CDK5RAP2: variants seen among roughly 807,000 people sequenced by gnomAD.
CDK5RAP2 encodes the protein CDK5 regulatory subunit associated protein 2.
A neutral mutation model predicts 232.9 loss-of-function variants in CDK5RAP2; 147 were observed. The ratio of observed to expected loss-of-function variants is 0.63; its 90% CI spans 0.55 to 0.72. The LOEUF is 0.72. Among genes scored for constraint, CDK5RAP2 ranks in the 30% least tolerant of loss-of-function variants. The pLI is 0.00. For missense variants in CDK5RAP2, 2,195 were observed against 2,231.5 expected (o/e 0.98, Z 0.33); for synonymous variants, 833 against 833.7 (o/e 1.00, Z 0.01).
intron 5 of CDK5RAP2, among the ~76,000 whole-genome samples, chr9:120,541,749 A>AT (rs1384692121): frequency 6.6e-6 from 1 of 152,218 alleles, no homozygotes; most frequent in Non-Finnish European, 1.5e-5. Flanking sequence ...GACTGCCCAC[A>AT]TAACTGATCA....
At chr9:120,545,686 C>A (rs760852813) in intron 5 of CDK5RAP2, 28 bp downstream of exon 5, 2 of 1,585,428 alleles carry the variant, frequency 1.3e-6, no homozygotes, top group Admixed American at 3.3e-5. Context: ...GGGCGACTTG[C>A]AAGCTTTCAA....
chr9:120,433,745 G>A (rs574026779), intron 25 of CDK5RAP2, among the ~76,000 whole-genome samples: 1 of 152,254 alleles, frequency 6.6e-6, no homozygotes, highest in South Asian at 2.1e-4. Flanking sequence ...GCTCTAGTAG[G>A]AAAAGTTTTT....
At position 120,439,764 on chromosome 9, in the gene CDK5RAP2, C is replaced by T; in HGVS notation, c.3357G>A (p.Leu1119=). Residue 1119 remains leucine (L), a synonymous_variant, in exon 24 of 38, where the codon TTG becomes TTA. Transcript: ENST00000349780. ...TEYLKQKIHD[L]ETELEGYQNF... ...TCTGGTAGCCTTCCAGCTCAGTTTC[C>T]AAGTCATGGATTTTCTGTTTTAAGT... 2 of 1,614,146 alleles carry T rather than the reference C, an allele frequency of 1.2e-6. No homozygotes were observed. Among genetic ancestry groups the T allele is most frequent in the Non-Finnish European group, 1.7e-6 (2 of 1,180,018 alleles).
chr9:120,440,801 G>C (rs1180285579), intron 23 of CDK5RAP2, among the ~76,000 whole-genome samples: 7 of 152,178 alleles, frequency 4.6e-5, no homozygotes, highest in Non-Finnish European at 1.0e-4. Context: ...GAAATATTGA[G>C]AGATTCTGTG....
At chr9:120,406,951 ATG>A in intron 32 of CDK5RAP2, 59 bp downstream of exon 32, 1 of 1,239,196 alleles carries the variant, frequency 8.1e-7, no homozygotes, top group Non-Finnish European at 1.2e-6. Flanking sequence ...AGAAGTTCAC[ATG>A]TCACACACAG....
intron 25 of CDK5RAP2, among the ~76,000 whole-genome samples, chr9:120,431,324 G>C (rs993868732): frequency 6.6e-6 from 1 of 152,152 alleles, no homozygotes; most frequent in Non-Finnish European, 1.5e-5. Flanking sequence ...TGAAAAGCAC[G>C]ATATCATGGT....
At chr9:120,539,551 T>C (rs748216570) in intron 5 of CDK5RAP2, among the ~76,000 whole-genome samples, 1 of 152,266 alleles carries the variant, frequency 6.6e-6, no homozygotes, top group South Asian at 2.1e-4. Flanking sequence ...AAATGTACTA[T>C]AGTTTACTAA....
intron 3 of CDK5RAP2, among the ~76,000 whole-genome samples, chr9:120,564,224 T>C (rs952694497): frequency 6.6e-6 from 1 of 152,130 alleles, no homozygotes; most frequent in African/African-American, 2.4e-5. Flanking sequence ...TTCCAGCACT[T>C]TGGGAGGCCA....
intron 20 of CDK5RAP2, among the ~76,000 whole-genome samples, chr9:120,457,893 G>A (rs2036870627): frequency 6.6e-6 from 1 of 152,178 alleles, no homozygotes; most frequent in South Asian, 2.1e-4. Flanking sequence ...CCAAGCAGCT[G>A]TTATGGATGG....
At chr9:120,545,876 A>G (rs2132026697) in intron 4 of CDK5RAP2, 86 bp from the exon 5 acceptor site, 1 of 1,027,438 alleles carries the variant, frequency 9.7e-7, no homozygotes, top group East Asian at 2.4e-5. Flanking sequence ...CTTCCAGCAC[A>G]GACTGACTAC....
intron 15 of CDK5RAP2, 68 bp downstream of exon 15, chr9:120,477,282 T>C: frequency 9.1e-7 from 1 of 1,100,794 alleles, no homozygotes. Flanking sequence ...AAAGGGTGTG[T>C]GCGTGTATGC....
intron 36 of CDK5RAP2, among the ~76,000 whole-genome samples, chr9:120,394,161 C>A (rs2032246655): frequency 6.6e-6 from 1 of 152,208 alleles, no homozygotes; most frequent in Non-Finnish European, 1.5e-5. Flanking sequence ...GCTTTCATTT[C>A]ACACTCAGCG....
At chr9:120,544,391 T>C (rs199857481) in intron 5 of CDK5RAP2, among the ~76,000 whole-genome samples, 1 of 133,536 alleles carries the variant, frequency 7.5e-6, no homozygotes. Context: ...ACAACAACAA[T>C]AACAACTTGT....
intron 3 of CDK5RAP2, among the ~76,000 whole-genome samples, chr9:120,566,214 C>G (rs2042641497): frequency 6.6e-6 from 1 of 152,196 alleles, no homozygotes; most frequent in Non-Finnish European, 1.5e-5. Context: ...CCACTACATA[C>G]AGATCATGCA....
At chr9:120,451,173 C>T (rs1249590887) in intron 21 of CDK5RAP2, among the ~76,000 whole-genome samples, 1 of 152,182 alleles carries the variant, frequency 6.6e-6, no homozygotes, top group African/African-American at 2.4e-5. Context: ...AATAACACCA[C>T]ACAAAATGCT....
At chr9:120,487,505 A>G (rs2038677572) in intron 13 of CDK5RAP2, 68 bp from the exon 14 acceptor site, 2 of 1,222,176 alleles carry the variant, frequency 1.6e-6, no homozygotes, top group Middle Eastern at 2.1e-4. Flanking sequence ...ACTGTCCCAA[A>G]CTCCTTAAGG....
At chr9:120,552,940 A>C (rs1202037606) in intron 3 of CDK5RAP2, among the ~76,000 whole-genome samples, 1 of 152,202 alleles carries the variant, frequency 6.6e-6, no homozygotes, top group Non-Finnish European at 1.5e-5. Context: ...AGAAAACATT[A>C]ACTGGTGAAT....
chr9:120,577,890 G>A (rs113721572), intron 1 of CDK5RAP2, among the ~76,000 whole-genome samples: 2 of 152,288 alleles, frequency 1.3e-5, no homozygotes, highest in African/African-American at 4.8e-5. Context: ...CTATCTGAGA[G>A]AATAATAATG....
intron 12 of CDK5RAP2, among the ~76,000 whole-genome samples, chr9:120,500,171 T>C (rs371112150): frequency 2.0e-5 from 3 of 152,346 alleles, no homozygotes; most frequent in African/African-American, 7.2e-5. Context: ...ATGATCGTTA[T>C]GCTGACCAAT....
Sources: gnomAD v4.1 joint callset for allele counts (sites outside exome capture counted in the v4.1 genomes callset) on GRCh38, gnomAD v4.1.1 for gene constraint, MANE v1.5 for transcripts, NCBI Gene and HGNC (gene_info 2026-07-23, HGNC 2026-07-21) for gene names.